The following ANKH variants were observed in gnomAD, a reference collection of about 807,000 sequenced individuals.
The protein encoded by ANKH is mineralization regulator ANKH.
In ANKH, 15 loss-of-function variants were observed where a neutral mutation model predicts 49.0. The ratio of observed to expected loss-of-function variants is 0.31; its 90% CI spans 0.20 to 0.47. The LOEUF (loss-of-function observed/expected upper bound fraction) is 0.47. ANKH is among the 20% of genes least tolerant of loss of function. ANKH has a pLI of 1.00. For synonymous variants in ANKH, 273 were observed against 260.0 expected (o/e 1.05, Z -0.48); for missense variants, 429 against 652.0 (o/e 0.66, Z 3.72).
chr5:14,788,356 T>G (rs758217494), intron 1 of ANKH: 1 of 152,252 alleles, frequency 6.6e-6, no homozygotes, highest in Non-Finnish European at 1.5e-5. Flanking sequence ...CTCAAAGAAC[T>G]ACTTCATATA....
intron 1 of ANKH, among the ~76,000 whole-genome samples, chr5:14,779,424 T>C (rs1438425848): frequency 6.6e-6 from 1 of 152,188 alleles, no homozygotes; most frequent in Non-Finnish European, 1.5e-5. Context: ...TGCAGCCCCC[T>C]GTGCAGATCC....
chr5:14,788,384 A>T (rs775632241), intron 1 of ANKH, among the ~76,000 whole-genome samples: 1 of 152,224 alleles, frequency 6.6e-6, no homozygotes, highest in Non-Finnish European at 1.5e-5. Context: ...ATACTTCATG[A>T]TTGTGATGTA....
intron 1 of ANKH, among the ~76,000 whole-genome samples, chr5:14,830,627 AAG>A (rs1741479276): frequency 6.6e-6 from 1 of 152,014 alleles, no homozygotes; most frequent in African/African-American, 2.4e-5. Context: ...TCATAACTGA[AAG>A]AGAATAACAG....
Position 14,759,982 on chromosome 5 carries a change from A to G in ANKH, c.314-1384T>C, listed in dbSNP as rs1451802146. Among the ~76,000 whole-genome samples, 3 of 152,286 alleles carry G rather than the reference A, an allele frequency of 2.0e-5. 1 individual carries two copies. Among genetic ancestry groups the G allele is most frequent in the South Asian group, 4.1e-4 (2 of 4,828 alleles). ...TCATTCTCTTACAACTATGGATATT[A>G]GAGGTGGGAGTAAGTGGTTTCAAGG... On this transcript the variant is annotated intron_variant, in intron 2 of 11. Coordinates refer to ENST00000284268, the MANE Select transcript of ANKH (RefSeq NM_054027.6).
intron 1 of ANKH, among the ~76,000 whole-genome samples, chr5:14,858,347 A>G (rs1735352694): frequency 6.6e-6 from 1 of 152,146 alleles, no homozygotes; most frequent in Non-Finnish European, 1.5e-5. Flanking sequence ...AATTCATCAA[A>G]TTTTAGATGA....
chr5:14,716,169 A>C (rs1481996576), intron 9 of ANKH, among the ~76,000 whole-genome samples: 2 of 152,132 alleles, frequency 1.3e-5, no homozygotes, highest in Non-Finnish European at 2.9e-5. Context: ...TTTCAGGTCT[A>C]CTTCCTTTTT....
chr5:14,750,169 A>G (rs1415600839), intron 5 of ANKH, among the ~76,000 whole-genome samples: 1 of 152,212 alleles, frequency 6.6e-6, no homozygotes, highest in African/African-American at 2.4e-5. Context: ...CGGCCCAAGT[A>G]GGGATCAGGG....
intron 1 of ANKH, among the ~76,000 whole-genome samples, chr5:14,783,909 T>C (rs1739891538): frequency 6.6e-6 from 1 of 152,152 alleles, no homozygotes. Context: ...CAGACCTTGT[T>C]TCTGAAAATT....
chr5:14,751,283 G>C, intron 4 of ANKH, 44 bp from the exon 5 acceptor site: 1 of 1,599,036 alleles, frequency 6.3e-7, no homozygotes, highest in African/African-American at 1.3e-5. Context: ...GGAGAAGCGG[G>C]AACCGACTGA....
intron 1 of ANKH, chr5:14,870,708 C>A (rs920923898): frequency 1.4e-4 from 20 of 146,994 alleles, no homozygotes; most frequent in Non-Finnish European, 2.6e-4. Flanking sequence ...GAAACAAGGA[C>A]GAGAAGGCGA....
At chr5:14,742,076 G>A (rs1376029666) in intron 7 of ANKH, among the ~76,000 whole-genome samples, 154 bp from the exon 8 acceptor site, 1 of 152,222 alleles carries the variant, frequency 6.6e-6, no homozygotes, top group African/African-American at 2.4e-5. Context: ...CATGTTGAGT[G>A]TCTCTCGGGC....
At chr5:14,840,674 C>T (rs74343209) in intron 1 of ANKH, among the ~76,000 whole-genome samples, 2,220 of 152,240 alleles carry the variant, frequency 0.015, 61 homozygotes, top group African/African-American at 0.051. Flanking sequence ...TCTGATTTAG[C>T]GAGTATTATT....
rs1255245024 is a variant in ANKH, at chr5:14,737,891, C to G, written c.1011+3936G>C. Among the ~76,000 whole-genome samples the G allele has an allele frequency of 6.6e-6, 1 of 152,166 alleles. No individual in the cohort carries two copies. The highest frequency in any genetic ancestry group is 1.5e-5 in the Non-Finnish European group (1 of 68,028). On this transcript the variant is annotated intron_variant, in intron 8 of 11. Coordinates refer to ENST00000284268, the MANE Select transcript of ANKH (RefSeq NM_054027.6). This position sits in a 1 kb window ranked among gnomAD's most constrained non-coding sequence, Gnocchi z 5.0. The stretch of plus-strand genomic sequence containing the variant: ...TCTTTTGGATCAACTAAAGGTACCC[C>G]CTTTCTCATCCTCATGCCCATCAGA...
chr5:14,751,064 C>T lies in ANKH; in HGVS notation c.687+5G>A. On this transcript the variant is annotated splice_donor_5th_base_variant and intron_variant, in intron 5 of 11. Coordinates refer to ENST00000284268, the MANE Select transcript of ANKH (RefSeq NM_054027.6). ...GACAGACTGCTGTTGGGTTGGTAGA[C>T]GTACCCCCAGCTCCGGGCCACTTCT... 3.1e-6 allele frequency: 5 copies of T among 1,614,138 alleles called. No homozygotes were observed. The highest frequency in any genetic ancestry group is 4.2e-6 in the Non-Finnish European group (5 of 1,179,984).
At chr5:14,843,713 C>T (rs116058384) in intron 1 of ANKH, among the ~76,000 whole-genome samples, 1,847 of 152,256 alleles carry the variant, frequency 0.012, 41 homozygotes, top group African/African-American at 0.042. Context: ...TTACCTCGCC[C>T]TAACAACCTT....
At chr5:14,845,979 C>A (rs1332415755) in intron 1 of ANKH, among the ~76,000 whole-genome samples, 1 of 151,458 alleles carries the variant, frequency 6.6e-6, no homozygotes. Context: ...CCTTAGCCTC[C>A]CAAATAGCTG....
At chr5:14,778,888 A>G (rs969022793) in intron 1 of ANKH, among the ~76,000 whole-genome samples, 14 of 152,094 alleles carry the variant, frequency 9.2e-5, no homozygotes, top group African/African-American at 3.4e-4. Context: ...CCACTGCACA[A>G]TCATGGTCTC....
chr5:14,791,822 C>T (rs762857651), intron 1 of ANKH, among the ~76,000 whole-genome samples: 5 of 152,180 alleles, frequency 3.3e-5, no homozygotes, highest in Admixed American at 6.5e-5. Context: ...ACCTCTGCCA[C>T]GCAGGTGCTA....
intron 1 of ANKH, among the ~76,000 whole-genome samples, chr5:14,771,444 C>T (rs1206559714): frequency 6.6e-6 from 1 of 152,164 alleles, no homozygotes; most frequent in East Asian, 1.9e-4. Context: ...GGTAGCAGCT[C>T]TCCTGTCCGG....
Sources: gnomAD v4.1 joint callset for allele counts (sites outside exome capture counted in the v4.1 genomes callset) on GRCh38, gnomAD v4.1.1 for gene constraint, Gnocchi (gnomAD v3.1) non-coding constraint, MANE v1.5 for transcripts, NCBI Gene and HGNC (gene_info 2026-07-23, HGNC 2026-07-21) for gene names.